Variants in KCNH1 observed in about 807,000 individuals in gnomAD.
The protein encoded by KCNH1 is potassium voltage-gated channel subfamily H member 1.
A neutral mutation model predicts 69.2 loss-of-function variants in KCNH1; 27 were observed. The ratio of observed to expected loss-of-function variants is 0.39; its 90% confidence interval spans 0.29 to 0.54. KCNH1 has a LOEUF of 0.54. KCNH1 is among the 20% of genes least tolerant of loss of function. KCNH1 has a pLI of 0.68. For missense variants in KCNH1, 798 were observed against 1,261.6 expected, an observed-to-expected ratio of 0.63 and a Z score of 5.57; for synonymous variants, 456 against 487.7, an observed-to-expected ratio of 0.93 and a Z score of 0.86.
chr1:210,727,823 C>T (rs1682641241), intron 10 of KCNH1, among the ~76,000 whole-genome samples: 1 of 152,128 alleles, frequency 6.6e-6, no homozygotes, highest in South Asian at 2.1e-4. Flanking sequence ...AGGAGTAAAG[C>T]TTTAAAAGAA....
At chr1:211,101,025 G>A (rs1395926228) in intron 3 of KCNH1, among the ~76,000 whole-genome samples, 2 of 152,136 alleles carry the variant, frequency 1.3e-5, no homozygotes, top group African/African-American at 4.8e-5. Context: ...GGATACTCTT[G>A]GCCCTGATCT....
At chr1:211,077,837 C>T (rs1341983296) in intron 5 of KCNH1, among the ~76,000 whole-genome samples, 5 of 151,926 alleles carry the variant, frequency 3.3e-5, no homozygotes, top group Non-Finnish European at 7.4e-5. Flanking sequence ...AGTCAAGCCC[C>T]ATCAGTGTGC....
chr1:210,904,663 C>T (rs1000733300), intron 7 of KCNH1, among the ~76,000 whole-genome samples: 3 of 152,036 alleles, frequency 2.0e-5, no homozygotes, highest in Admixed American at 6.6e-5. Flanking sequence ...CTAGGCAACA[C>T]CCACATCTCT....
intron 5 of KCNH1, among the ~76,000 whole-genome samples, chr1:211,048,477 A>G (rs1690133009): frequency 6.6e-6 from 1 of 152,196 alleles, no homozygotes; most frequent in Non-Finnish European, 1.5e-5. Flanking sequence ...TGTGGTGTAT[A>G]TACATATATA....
At chr1:210,686,905 C>A (rs781603215) in intron 10 of KCNH1, among the ~76,000 whole-genome samples, 5 of 152,138 alleles carry the variant, frequency 3.3e-5, no homozygotes, top group Non-Finnish European at 7.3e-5. Flanking sequence ...ATTTTGTTCC[C>A]AATTTCCAGC....
chr1:210,740,704 A>ATTTTTTTTTTTTTTT lies in KCNH1; in HGVS notation c.2112+34629_2112+34643dup, dbSNP rs199727493. ...GTCTCTGATTAAATTTTATGATTAA[A>ATTTTTTTTTTTTTTT]TTTTTTTTTTTTTTTTTTTTTTTTT... On this transcript the variant is annotated intron_variant, in intron 10 of 10. Transcript: ENST00000271751. Among the ~76,000 whole-genome samples the ATTTTTTTTTTTTTTT allele has an allele frequency of 1.4e-4, 16 of 117,242 alleles. 1 individual carries two copies. The highest frequency in any genetic ancestry group is 4.4e-4 in the Admixed American group (5 of 11,262). 76.9% of individuals were successfully genotyped at this position (117,242 alleles called of 152,430 possible).
chr1:211,064,045 GT>G (rs1462658354), intron 5 of KCNH1, among the ~76,000 whole-genome samples: 2 of 152,110 alleles, frequency 1.3e-5, no homozygotes, highest in Non-Finnish European at 2.9e-5. Context: ...TGAAGGAAAA[GT>G]TTCTGAATTA....
At chr1:211,101,795 A>C (rs1691263189) in intron 3 of KCNH1, among the ~76,000 whole-genome samples, 3 of 152,266 alleles carry the variant, frequency 2.0e-5, no homozygotes, top group East Asian at 1.9e-4. Flanking sequence ...TATTTCACAG[A>C]GATTAGAGAT....
intron 3 of KCNH1, among the ~76,000 whole-genome samples, chr1:211,097,725 A>G (rs564135378): frequency 1.3e-5 from 2 of 152,320 alleles, no homozygotes; most frequent in East Asian, 3.9e-4. Flanking sequence ...TAGGTAATCA[A>G]TATGTACCTG....
chr1:211,021,612 C>T lies in KCNH1; in HGVS notation c.559-2356G>A, dbSNP rs1317124325. Among the ~76,000 whole-genome samples, 4 of 151,590 alleles carry T rather than the reference C, an allele frequency of 2.6e-5. No individual in the cohort carries two copies. In the East Asian group the frequency reaches 7.7e-4, roughly 29 times the overall value. On this transcript the variant is annotated intron_variant, in intron 5 of 10. Transcript: ENST00000271751. ...CACACACACACACAACCTGTTAGAA[C>T]TGATAAACAAATTCACTAACGTTGC...
rs915111286 is a variant in KCNH1 at position 211,133,415 on chromosome 1, G to A, written c.79+452C>T. On this transcript the variant is annotated intron_variant, in intron 1 of 10. Transcript: ENST00000271751. The surrounding 1 kb of genome is among the most constrained non-coding windows in gnomAD (Gnocchi z 5.4). Reference sequence around the variant, plus strand: ...GATCCTCCCATTCTGAGGCAGCGGGGACCTGGAGTTGCCCGTCTCTACTGC... The same window carrying A: ...GATCCTCCCATTCTGAGGCAGCGGGAACCTGGAGTTGCCCGTCTCTACTGC... 6.5e-6 allele frequency: 1 copy of A among 152,760 alleles called. No homozygotes were observed. The highest frequency in any genetic ancestry group is 2.1e-4 in the South Asian group (1 of 4,846). 9.5% of individuals were successfully genotyped at this position (152,760 alleles called of 1,614,324 possible). A position where few individuals can be genotyped will look rare whatever the true frequency, so the allele number is the denominator to read the frequency against.
chr1:211,132,421 C>T (rs145717817), intron 1 of KCNH1, among the ~76,000 whole-genome samples: 139 of 152,228 alleles, frequency 9.1e-4, no homozygotes, highest in African/African-American at 2.4e-3. Context: ...CTAAAAGCCA[C>T]CTTAGTTTGA....
chr1:211,112,302 C>G (rs1486092600), intron 1 of KCNH1, among the ~76,000 whole-genome samples: 1 of 139,150 alleles, frequency 7.2e-6, no homozygotes, highest in African/African-American at 2.7e-5. Context: ...CCCTCCACCC[C>G]TCCACCCCTC....
intron 7 of KCNH1, among the ~76,000 whole-genome samples, chr1:210,883,566 G>C (rs1686540740): frequency 6.6e-6 from 1 of 152,212 alleles, no homozygotes; most frequent in Non-Finnish European, 1.5e-5. Context: ...CCATTTACTA[G>C]CTATGTGACC....
At chr1:210,997,071 G>C (rs1401245872) in intron 6 of KCNH1, among the ~76,000 whole-genome samples, 3 of 152,188 alleles carry the variant, frequency 2.0e-5, no homozygotes, top group African/African-American at 7.2e-5. Flanking sequence ...AAAAAATAGA[G>C]CAGAAAAACT....
chr1:211,002,267 C>CATAT (rs200069918), intron 6 of KCNH1, among the ~76,000 whole-genome samples: 11 of 147,400 alleles, frequency 7.5e-5, no homozygotes, highest in African/African-American at 2.2e-4. Flanking sequence ...TACACACACA[C>CATAT]ACATATATAT....
intron 6 of KCNH1, among the ~76,000 whole-genome samples, chr1:210,991,658 GA>G (rs370130524): frequency 1.0e-4 from 15 of 148,110 alleles, no homozygotes; most frequent in Non-Finnish European, 1.6e-4. Flanking sequence ...ATACACACCA[GA>G]AAAAAAAGGT....
chr1:211,014,936 C>G (rs1288381163), intron 6 of KCNH1, among the ~76,000 whole-genome samples: 3 of 152,174 alleles, frequency 2.0e-5, no homozygotes, highest in African/African-American at 7.2e-5. Context: ...ATTCTCCAAC[C>G]CAGGGGGTTT....
chr1:210,791,343 G>A (rs542826031), intron 9 of KCNH1, among the ~76,000 whole-genome samples: 7 of 152,128 alleles, frequency 4.6e-5, no homozygotes, highest in Non-Finnish European at 8.8e-5. Context: ...TCACCTCTGG[G>A]GCTAGGGCTA....
Sources: allele counts gnomAD v4.1 joint callset (sites outside exome capture counted in the v4.1 genomes callset), GRCh38; gene constraint gnomAD v4.1.1; non-coding constraint Gnocchi (gnomAD v3.1); transcripts MANE v1.5; gene names NCBI Gene and HGNC (gene_info 2026-07-23, HGNC 2026-07-21).